Variants in TAF2 observed in about 807,000 individuals in gnomAD.
The protein encoded by TAF2 is transcription initiation factor TFIID subunit 2.
A neutral mutation model predicts 138.5 loss-of-function variants in TAF2; 61 were observed. The ratio of observed to expected loss-of-function variants is 0.44; its 90% CI spans 0.36 to 0.54. TAF2 has a LOEUF of 0.54. Among genes scored for constraint, TAF2 ranks in the 20% least tolerant of loss-of-function variants. TAF2 has a pLI of 0.00. For synonymous variants in TAF2, 475 were observed against 469.9 expected (o/e 1.01, Z -0.14); for missense variants, 1,090 against 1,427.9 (o/e 0.76, Z 3.81).
chr8:119,809,145 C>A (rs1438633577), intron 3 of TAF2, among the ~76,000 whole-genome samples: 1 of 152,222 alleles, frequency 6.6e-6, no homozygotes, highest in Non-Finnish European at 1.5e-5. Flanking sequence ...CAACCTTCAT[C>A]AAAAACCTTA....
chr8:119,793,509 T>C (rs72688294), intron 9 of TAF2, 58 bp from the exon 10 acceptor site: 102,510 of 1,229,988 alleles, frequency 0.083, 5,376 homozygotes, highest in South Asian at 0.2. Context: ...TTTTTTTACA[T>C]ACCAAATTTT....
At chr8:119,831,768 A>G in intron 1 of TAF2, 37 bp from the exon 2 acceptor site, 1 of 1,327,440 alleles carries the variant, frequency 7.5e-7, no homozygotes, top group Non-Finnish European at 1.0e-6. Flanking sequence ...TAAGGAAAAA[A>G]TAATTTTTAT....
At chr8:119,785,298 G>A (rs771466161) in intron 14 of TAF2, 32 bp from the exon 15 acceptor site, 81 of 1,497,402 alleles carry the variant, frequency 5.4e-5, no homozygotes, top group Non-Finnish European at 7.3e-5. Context: ...TTGGAAAATT[G>A]TGAGATTTCT....
At chr8:119,816,111 C>T (rs1274012854) in intron 3 of TAF2, among the ~76,000 whole-genome samples, 4 of 143,560 alleles carry the variant, frequency 2.8e-5, no homozygotes, top group Admixed American at 7.2e-5. Context: ...AGTGCAGTGG[C>T]GCGATCTCGG....
intron 18 of TAF2, among the ~76,000 whole-genome samples, chr8:119,774,479 T>A (rs1020481689): frequency 2.3e-4 from 3 of 13,032 alleles, no homozygotes; most frequent in African/African-American, 8.5e-4. Flanking sequence ...AATATTGTGA[T>A]TTTTTTTTGC....
intron 23 of TAF2, chr8:119,745,028 A>C (rs2131003102): frequency 2.2e-6 from 1 of 456,122 alleles, no homozygotes; most frequent in Middle Eastern, 3.3e-4. Context: ...TGGCAAGGTG[A>C]TCATCTTCCT....
chr8:119,829,920 C>T (rs894546628), intron 2 of TAF2, among the ~76,000 whole-genome samples: 2 of 144,834 alleles, frequency 1.4e-5, no homozygotes, highest in East Asian at 2.0e-4. Flanking sequence ...AGTGCAGTGG[C>T]GCGATCTCGG....
intron 6 of TAF2, among the ~76,000 whole-genome samples, chr8:119,799,758 A>G (rs534661869): frequency 1.3e-5 from 2 of 152,358 alleles, no homozygotes; most frequent in African/African-American, 2.4e-5. Context: ...ACTAGTTTAC[A>G]GTCCCACCAA....
rs1363155018 is a variant in TAF2, at chr8:119,746,768, T to C, written c.3045A>G (p.Ala1015=). Residue 1015 remains alanine, a synonymous_variant, in exon 23 of 26, where the codon GCA becomes GCG. Transcript: ENST00000378164. The part of the protein sequence containing the change: ...LNPTIIPESV[A]GNQEAANNPS... ...GATTATTTGCAGCTTCTTGGTTGCC[T>C]GCTACTGACTCTGGAATTATGGTAG... 1 of 1,614,166 alleles carries C rather than the reference T, an allele frequency of 6.2e-7. No homozygotes were observed.
chr8:119,783,369 A>G lies in TAF2; in HGVS notation c.2112+12T>C, dbSNP rs1281695941. The G allele has an allele frequency of 3.7e-6, 6 of 1,613,884 alleles. No individual in the cohort carries two copies. In the South Asian group the frequency reaches 6.6e-5, roughly 18 times the overall value. On this transcript the variant is annotated intron_variant, in intron 16 of 25. Transcript: ENST00000378164. ...ACAATAGTCATTTCCTTTATGCTGT[A>G]TATAATCTCACCTTTGCAAGACAGA... is the stretch of plus-strand genomic sequence containing the variant.
At chr8:119,814,164 A>G (rs1825287608) in intron 3 of TAF2, among the ~76,000 whole-genome samples, 1 of 151,992 alleles carries the variant, frequency 6.6e-6, no homozygotes, top group Non-Finnish European at 1.5e-5. Context: ...ACATATTATG[A>G]GCCCTGCCGA....
chr8:119,754,008 G>A (rs1019252422), intron 22 of TAF2, among the ~76,000 whole-genome samples: 1 of 152,068 alleles, frequency 6.6e-6, no homozygotes, highest in Admixed American at 6.6e-5. Context: ...AAAACATTAT[G>A]TAAAAAGCAG....
intron 22 of TAF2, among the ~76,000 whole-genome samples, chr8:119,748,876 G>A (rs1820157572): frequency 6.6e-6 from 1 of 151,394 alleles, no homozygotes; most frequent in African/African-American, 2.4e-5. Flanking sequence ...CTATCCATGG[G>A]TATAGCAAGA....
At chr8:119,792,149 C>CTT (rs905286521) in intron 10 of TAF2, among the ~76,000 whole-genome samples, 4,042 of 138,718 alleles carry the variant, frequency 0.029, 118 homozygotes, top group South Asian at 0.1. Context: ...TTCTTTCTTT[C>CTT]TTTTTTTTTT....
At position 119,802,043 on chromosome 8, in the gene TAF2, A is replaced by T; in HGVS notation, c.561-18T>A. On this transcript the variant is annotated intron_variant, in intron 5 of 25. Coordinates refer to ENST00000378164, the MANE Select transcript of TAF2 (RefSeq NM_003184.4). ...ACCAAAATCTAGAAAAAAGATTGAC[A>T]GTATAGAAAATGTATTCAAAGAGTT... 1 of 1,588,060 alleles carries T rather than the reference A, an allele frequency of 6.3e-7. No individual in the cohort carries two copies. The highest frequency in any genetic ancestry group is 8.6e-7 in the Non-Finnish European group (1 of 1,159,202).
Position 119,731,968 on chromosome 8 carries a change from G to T in TAF2, c.3556C>A (p.Pro1186Thr). 6.2e-7 allele frequency: 1 copy of T among 1,614,170 alleles called. No homozygotes were observed. The change falls in exon 26 of 26, where the codon CCT becomes ACT. Residue 1186 changes from proline (P) to threonine (T), a missense_variant. Pro to Thr is a conservative substitution (Grantham distance 38, BLOSUM62 -1). Coordinates refer to ENST00000378164, the MANE Select transcript of TAF2 (RefSeq NM_003184.4). The part of the protein sequence containing the change: ...KDKEPFTFSS[P>T]ASGRSIRSPS... Reference sequence around the variant, plus strand: ...GAACGAATAGACCTGCCACTGGCAGGGCTGGAGAAAGTGAAAGGCTCCTTG... The same window carrying T: ...GAACGAATAGACCTGCCACTGGCAGTGCTGGAGAAAGTGAAAGGCTCCTTG...
chr8:119,809,842 A>G (rs951674962), intron 3 of TAF2, among the ~76,000 whole-genome samples: 2 of 152,198 alleles, frequency 1.3e-5, no homozygotes, highest in African/African-American at 2.4e-5. Context: ...AAGATCTCTG[A>G]TCACAGATTA....
chr8:119,796,106 T>C (rs1823808789), intron 8 of TAF2, among the ~76,000 whole-genome samples: 1 of 151,976 alleles, frequency 6.6e-6, no homozygotes, highest in African/African-American at 2.4e-5. Context: ...TCTAGAAAAA[T>C]GGCAATTAAC....
In TAF2 at chr8:119,747,108, G is replaced by GT. The variant is rs368020452; in HGVS notation, c.2879-175dup. Among the ~76,000 whole-genome samples the GT allele has an allele frequency of 3.9e-4, 59 of 152,242 alleles. No individual in the cohort carries two copies. In the Middle Eastern group the frequency reaches 0.027, roughly 70 times the overall value. ...CCAAAAATCTAACATTCCAAAAACT[G>GT]TATTTTTATAGCCTTAATTCTTCCT... is the stretch of plus-strand genomic sequence containing the variant. On this transcript the variant is annotated intron_variant, in intron 22 of 25. Coordinates refer to ENST00000378164, the MANE Select transcript of TAF2 (RefSeq NM_003184.4).
Sources: allele counts gnomAD v4.1 joint callset (sites outside exome capture counted in the v4.1 genomes callset), GRCh38; gene constraint gnomAD v4.1.1; transcripts MANE v1.5; gene names NCBI Gene and HGNC (gene_info 2026-07-23, HGNC 2026-07-21).